STIM1: variants seen among roughly 807,000 people sequenced by gnomAD.
STIM1 encodes the protein stromal interaction molecule 1.
Under a neutral mutation model 74.7 loss-of-function variants are expected in STIM1, and 25 were observed. The observed-to-expected ratio is 0.33, with a 90% CI of 0.24 to 0.47. The LOEUF (loss-of-function observed/expected upper bound fraction) is 0.47, where lower values mean the gene tolerates loss of function less well. STIM1 is among the 20% of genes least tolerant of loss of function. The pLI is 1.00. For missense variants in STIM1, 728 were observed against 920.8 expected, an observed-to-expected ratio of 0.79 and a Z score of 2.71; for synonymous variants, 328 against 348.8, an observed-to-expected ratio of 0.94 and a Z score of 0.66.
At chr11:3,879,714 A>C (rs1454839409) in intron 1 of STIM1, among the ~76,000 whole-genome samples, 1 of 152,180 alleles carries the variant, frequency 6.6e-6, no homozygotes, top group Admixed American at 6.5e-5. Context: ...CAGGTTTACT[A>C]ATTTCTGGCT....
At chr11:3,890,329 A>C (rs1160156379) in intron 1 of STIM1, among the ~76,000 whole-genome samples, 1 of 152,138 alleles carries the variant, frequency 6.6e-6, no homozygotes, top group Non-Finnish European at 1.5e-5. Flanking sequence ...TTTGGTCCTT[A>C]TATAGAGCTG....
chr11:4,018,841 A>G (rs1012060962), intron 2 of STIM1: 1 of 152,150 alleles, frequency 6.6e-6, no homozygotes, highest in Admixed American at 6.6e-5. Flanking sequence ...CATTCTTGGG[A>G]TACTCTTCTC....
intron 2 of STIM1, chr11:3,974,112 T>A (rs2093422572): frequency 1.5e-6 from 1 of 681,380 alleles, no homozygotes; most frequent in Non-Finnish European, 2.7e-6. Context: ...ATTACCACAG[T>A]CTGTGAGTGC....
intron 2 of STIM1, among the ~76,000 whole-genome samples, chr11:4,016,871 C>A (rs1034323752): frequency 1.3e-5 from 2 of 152,226 alleles, no homozygotes; most frequent in African/African-American, 4.8e-5. Flanking sequence ...TGGGACCCGC[C>A]GAGCCAGGCA....
chr11:3,906,478 T>C (rs2092467288), intron 1 of STIM1, among the ~76,000 whole-genome samples: 1 of 152,204 alleles, frequency 6.6e-6, no homozygotes, highest in African/African-American at 2.4e-5. Flanking sequence ...TTCTATTAAA[T>C]GAGAAAATTG....
Position 4,086,522 on chromosome 11 carries a change from A to G in STIM1, c.1613A>G (p.Gln538Arg), listed in dbSNP as rs200567276. ...GTTCGGCAGCGCCTGACGGAGCCAC[A>G]GCATGGCCTGGGATCTCAGAGGTTG... ...SSVRQRLTEP[Q>R]HGLGSQRDLT... Residue 538 changes from glutamine to arginine, a missense_variant, in exon 12 of 13, where the codon CAG becomes CGG. By Grantham distance (43) the Gln-to-Arg change is conservative. Coordinates refer to ENST00000526596, the MANE Select transcript of STIM1 (RefSeq NM_001382567.1). 1.9e-6 allele frequency: 3 copies of G among 1,614,098 alleles called. No individual in the cohort carries two copies. Among genetic ancestry groups the G allele is most frequent in the African/African-American group, 2.7e-5 (2 of 74,944 alleles).
chr11:3,935,051 G>A (rs531011225), intron 1 of STIM1, among the ~76,000 whole-genome samples: 5 of 152,302 alleles, frequency 3.3e-5, no homozygotes, highest in South Asian at 2.1e-4. Context: ...TCATCTTTTC[G>A]CAGCTGCAGT....
chr11:3,959,301 A>G (rs2093258178), intron 1 of STIM1, among the ~76,000 whole-genome samples: 1 of 152,206 alleles, frequency 6.6e-6, no homozygotes, highest in African/African-American at 2.4e-5. Context: ...TTTAGTGACG[A>G]GAAACAGAAA....
intron 1 of STIM1, among the ~76,000 whole-genome samples, chr11:3,918,096 T>C (rs537339132): frequency 6.6e-6 from 1 of 152,276 alleles, no homozygotes; most frequent in South Asian, 2.1e-4. Context: ...AATTATGTCA[T>C]TAGGACTCAC....
At position 3,856,377 on chromosome 11, in the gene STIM1, CG is replaced by C; in HGVS notation, c.112del (p.Ala38ProfsTer37). 6.2e-7 allele frequency: 1 copy of C among 1,614,178 alleles called. No homozygotes were observed. The highest frequency in any genetic ancestry group is 8.5e-7 in the Non-Finnish European group (1 of 1,180,046). ...AGTGAGAAGGCGACAGGAACCAGCTCGGGGGCCAACTCTGAGGAGTCCACTG... is the reference window on the plus strand; with the variant it reads ...AGTGAGAAGGCGACAGGAACCAGCTCGGGGCCAACTCTGAGGAGTCCACTG... Reference protein sequence around the residue: ...SHSEKATGTSSGANSEESTAA... With the variant: ...SHSEKATGTSXGANSEESTAA... On this transcript the variant is annotated frameshift_variant, in exon 1 of 13. Coordinates refer to ENST00000526596, the MANE Select transcript of STIM1 (RefSeq NM_001382567.1). LOFTEE classifies it high-confidence loss of function.
intron 2 of STIM1, among the ~76,000 whole-genome samples, chr11:3,970,005 A>G (rs569695912): frequency 1.3e-4 from 20 of 151,934 alleles, no homozygotes; most frequent in African/African-American, 3.9e-4. Flanking sequence ...AAACTGGGGA[A>G]TGGATGAAGA....
intron 1 of STIM1, among the ~76,000 whole-genome samples, chr11:3,895,730 CTTT>C (rs2092113038): frequency 2.3e-4 from 9 of 39,216 alleles, no homozygotes; most frequent in Admixed American, 8.6e-4. Context: ...TTCTTTCTTT[CTTT>C]CTTTTTCTTT....
At chr11:3,933,694 C>T (rs997231812) in intron 1 of STIM1, among the ~76,000 whole-genome samples, 1 of 151,556 alleles carries the variant, frequency 6.6e-6, no homozygotes. Context: ...TCTCTCTCTT[C>T]CCCGCCGCCC....
At chr11:4,005,942 G>C (rs2093775718) in intron 2 of STIM1, among the ~76,000 whole-genome samples, 1 of 152,082 alleles carries the variant, frequency 6.6e-6, no homozygotes, top group African/African-American at 2.4e-5. Context: ...CTGAAATATG[G>C]TATGCTTCCT....
rs2092622779 is a variant in STIM1 at position 3,915,028 on chromosome 11, C to A, written c.140-52524C>A. On this transcript the variant is annotated intron_variant, in intron 1 of 12. Coordinates refer to ENST00000526596, the MANE Select transcript of STIM1 (RefSeq NM_001382567.1). ...CCTAGTGACTAATGATGTTGATCATCTTCTCATGTGCTTATTGGCCATTTG... is the reference window on the plus strand; with the variant it reads ...CCTAGTGACTAATGATGTTGATCATATTCTCATGTGCTTATTGGCCATTTG... Among the ~76,000 whole-genome samples, 2 of 151,842 alleles carry A rather than the reference C, an allele frequency of 1.3e-5. 1 individual carries two copies. The highest frequency in any genetic ancestry group is 4.2e-4 in the South Asian group (2 of 4,806).
intron 7 of STIM1, among the ~76,000 whole-genome samples, chr11:4,076,911 C>G (rs2094440861): frequency 6.6e-6 from 1 of 151,178 alleles, no homozygotes; most frequent in African/African-American, 2.4e-5. Flanking sequence ...TGGGTGTAGT[C>G]CTTTGAAACT....
chr11:3,961,480 A>G (rs1462449593), intron 1 of STIM1: 2 of 165,682 alleles, frequency 1.2e-5, no homozygotes, highest in African/African-American at 4.9e-5. Flanking sequence ...TGGGATATCA[A>G]AGGACAATGT....
At chr11:4,085,198 C>T (rs533508997) in intron 11 of STIM1, among the ~76,000 whole-genome samples, 35 of 151,560 alleles carry the variant, frequency 2.3e-4, no homozygotes, top group South Asian at 4.2e-4. Context: ...ACCTTGAAAG[C>T]TACCAGCATA....
rs181638369 is a variant in STIM1 at position 3,993,394 on chromosome 11, A to C, written c.270+25712A>C. ...CTTTGTGGCTGGGCGTGATGGCTCA[A>C]GCCTGTAATCCCAGAACTTTGGGAG... On this transcript the variant is annotated intron_variant, in intron 2 of 12. Coordinates refer to ENST00000526596, the MANE Select transcript of STIM1 (RefSeq NM_001382567.1). 6.1e-3 allele frequency among the ~76,000 whole-genome samples: 924 copies of C among 152,302 alleles called. 8 individuals carry two copies. The highest frequency in any genetic ancestry group is 0.021 in the African/African-American group (866 of 41,558).
Sources: allele counts gnomAD v4.1 joint callset (sites outside exome capture counted in the v4.1 genomes callset), GRCh38; gene constraint gnomAD v4.1.1; transcripts MANE v1.5; gene names NCBI Gene and HGNC (gene_info 2026-07-23, HGNC 2026-07-21).